Variants in ZNF443 observed in about 807,000 individuals in gnomAD.
ZNF443 encodes zinc finger protein 443, also known as Kruppel-type zinc finger (C2H2).
A neutral mutation model predicts 12.0 loss-of-function variants in ZNF443; 3 were observed. The ratio of observed to expected loss-of-function variants is 0.25; its 90% CI spans 0.11 to 0.64. The LOEUF (loss-of-function observed/expected upper bound fraction) is 0.64, where lower values mean the gene tolerates loss of function less well. ZNF443 is among the 30% of genes least tolerant of loss of function. ZNF443 has a pLI of 0.84. For synonymous variants in ZNF443, 225 were observed against 265.9 expected (o/e 0.85, Z 1.50); for missense variants, 770 against 808.8 (o/e 0.95, Z 0.58).
chr19:12,430,985 T>C lies in ZNF443; in HGVS notation c.1187A>G (p.Lys396Arg), dbSNP rs1391774984. Residue 396 changes from lysine (K) to arginine (R), a missense_variant, in exon 4 of 4, where the codon AAG becomes AGG. Physicochemically the swap from Lys to Arg is conservative, Grantham distance 26. This residue lies in a region of ZNF443 where 736 missense variants were observed against 689.4 expected (regional missense o/e 1.07). Coordinates refer to ENST00000301547, the MANE Select transcript of ZNF443 (RefSeq NM_005815.5). Reference protein sequence around the residue: ...THTGEKPYECKQCGKALSHRS... With the variant: ...THTGEKPYECRQCGKALSHRS... Reference sequence around the variant, plus strand: ...ATGAGATAATGCTTTCCCACACTGCTTGCATTCATAGGGTTTCTCTCCAGT... The same window carrying C: ...ATGAGATAATGCTTTCCCACACTGCCTGCATTCATAGGGTTTCTCTCCAGT... 1.2e-6 allele frequency: 2 copies of C among 1,613,778 alleles called. No homozygotes were observed. Among genetic ancestry groups the C allele is most frequent in the African/African-American group, 2.7e-5 (2 of 74,934 alleles).
Position 12,430,931 on chromosome 19 carries a change from A to G in ZNF443, c.1241T>C (p.Met414Thr), listed in dbSNP as rs777767204. 8.1e-6 allele frequency: 13 copies of G among 1,613,512 alleles called. No individual in the cohort carries two copies. Among genetic ancestry groups the G allele is most frequent in the South Asian group, 5.5e-5 (5 of 91,054 alleles). Reference sequence around the variant, plus strand: ...TTTATGAGGTCCATCTCCAGTGTGCATTATCATATGACTTCGAAAGCTTGA... The same window carrying G: ...TTTATGAGGTCCATCTCCAGTGTGCGTTATCATATGACTTCGAAAGCTTGA... The part of the protein sequence containing the change: ...HRSSFRSHMI[M>T]HTGDGPHKCK... The change falls in exon 4 of 4, where the codon ATG (methionine) becomes ACG (threonine). Residue 414 changes from methionine (M) to threonine (T), a missense_variant. By Grantham distance (81) the Met-to-Thr change is moderately conservative. Transcript: ENST00000301547.
In ZNF443 at chr19:12,430,909, A is replaced by C; in HGVS notation, c.1263T>G (p.His421Gln). 2 of 1,614,036 alleles carry C rather than the reference A, an allele frequency of 1.2e-6. No individual in the cohort carries two copies. Among genetic ancestry groups the C allele is most frequent in the Non-Finnish European group, 1.7e-6 (2 of 1,179,962 alleles). ...AGGCTTTCCCACATACCTTGCATTT[A>C]TGAGGTCCATCTCCAGTGTGCATTA... ...HMIMHTGDGPHKCKVCGKAFV... is the reference protein window; with the variant it reads ...HMIMHTGDGPQKCKVCGKAFV... The change falls in exon 4 of 4, where the codon CAT (histidine) becomes CAG (glutamine). Residue 421 changes from histidine to glutamine, a missense_variant. By Grantham distance (24) the His-to-Gln change is conservative. This residue lies in a region of ZNF443 where 736 missense variants were observed against 689.4 expected (regional missense o/e 1.07). Coordinates refer to ENST00000301547, the MANE Select transcript of ZNF443 (RefSeq NM_005815.5).
rs141837424 is a variant in ZNF443, at chr19:12,437,972, G to T, written c.3+2940C>A. ...AAAAATTAGCCAGGCATGGTAGCAC[G>T]CACCCGTAGTCCCAGCTACTCAGGA... On this transcript the variant is annotated intron_variant, in intron 1 of 3. Transcript: ENST00000301547. 9.2e-5 allele frequency among the ~76,000 whole-genome samples: 14 copies of T among 151,748 alleles called. No individual in the cohort carries two copies. The East Asian group carries it at 2.7e-3, about 29-fold the overall frequency.
At chr19:12,440,565 G>GGCTA in intron 1 of ZNF443, among the ~76,000 whole-genome samples, 1 of 152,142 alleles carries the variant, frequency 6.6e-6, no homozygotes, top group Non-Finnish European at 1.5e-5. Context: ...CTCTCCTCCT[G>GGCTA]TTAAACCGTT....
intron 1 of ZNF443, among the ~76,000 whole-genome samples, chr19:12,437,963 T>C (rs1312684274): frequency 2.0e-5 from 3 of 150,618 alleles, no homozygotes; most frequent in Non-Finnish European, 3.0e-5. Context: ...TAGCCAGGCA[T>C]GGTAGCACGC....
At position 12,431,679 on chromosome 19, in the gene ZNF443, C is replaced by T. The variant is rs748225249; in HGVS notation, c.493G>A (p.Gly165Arg). ...TCTTTACAATCATATGGTTTCTTTC[C>T]AGTGTGAAGCCTCTCATGTGTTTGA... Reference protein sequence around the residue: ...SFQTHERLHTGKKPYDCKECG... With the variant: ...SFQTHERLHTRKKPYDCKECG... The change falls in exon 4 of 4, where the codon GGA becomes AGA. Residue 165 changes from glycine to arginine, a missense_variant. Gly to Arg is a moderately radical substitution (Grantham distance 125). This residue lies in a region of ZNF443 where 736 missense variants were observed against 689.4 expected (regional missense o/e 1.07). Transcript: ENST00000301547. The T allele has an allele frequency of 5.0e-6, 8 of 1,614,032 alleles. No individual in the cohort carries two copies. The highest frequency in any genetic ancestry group is 6.8e-6 in the Non-Finnish European group (8 of 1,180,018).
intron 1 of ZNF443, among the ~76,000 whole-genome samples, chr19:12,439,287 G>A (rs1970342809): frequency 6.6e-6 from 1 of 152,132 alleles, no homozygotes. Flanking sequence ...TGTCTCCAAG[G>A]AATGGAAACT....
rs138781179 is a variant in ZNF443 at position 12,431,324 on chromosome 19, C to A, written c.848G>T (p.Cys283Phe). Residue 283 changes from cysteine (C) to phenylalanine (F), a missense_variant, in exon 4 of 4, where the codon TGT becomes TTT. This residue lies in a region of ZNF443 where 736 missense variants were observed against 689.4 expected (regional missense o/e 1.07). Transcript: ENST00000301547. The part of the protein sequence containing the change: ...RTHTGEKPYK[C>F]KQCSKAFPDS... The stretch of plus-strand genomic sequence containing the variant: ...AGGGAAGGCTTTAGAACACTGCTTA[C>A]ATTTATATGGTTTCTCCCCAGTATG... 2.7e-5 allele frequency: 43 copies of A among 1,614,012 alleles called. No individual in the cohort carries two copies. The highest frequency in any genetic ancestry group is 3.3e-5 in the Non-Finnish European group (39 of 1,179,986).
At chr19:12,440,593 C>T (rs1249927842) in intron 1 of ZNF443, among the ~76,000 whole-genome samples, 1 of 151,684 alleles carries the variant, frequency 6.6e-6, no homozygotes, top group Non-Finnish European at 1.5e-5. Context: ...CAGCCCTCGG[C>T]GTCTCGGTGC....
intron 1 of ZNF443, among the ~76,000 whole-genome samples, chr19:12,439,453 T>C (rs1466326259): frequency 6.6e-6 from 1 of 152,126 alleles, no homozygotes; most frequent in Non-Finnish European, 1.5e-5. Flanking sequence ...CAGGGGATGA[T>C]ATTCACTAGA....
At chr19:12,438,115 T>C (rs1413211741) in intron 1 of ZNF443, among the ~76,000 whole-genome samples, 1 of 148,196 alleles carries the variant, frequency 6.7e-6, no homozygotes, top group Non-Finnish European at 1.5e-5. Context: ...AAAAAAAAAA[T>C]TGGTCTTAGC....
chr19:12,439,276 G>A (rs1391149607), intron 1 of ZNF443, among the ~76,000 whole-genome samples: 1 of 152,090 alleles, frequency 6.6e-6, no homozygotes, highest in Non-Finnish European at 1.5e-5. Flanking sequence ...GTTCAGTCAT[G>A]TGTCTCCAAG....
intron 1 of ZNF443, among the ~76,000 whole-genome samples, chr19:12,434,766 T>C (rs1347588709): frequency 6.6e-6 from 1 of 150,576 alleles, no homozygotes; most frequent in African/African-American, 2.5e-5. Flanking sequence ...TCTCGTAGAG[T>C]TTTTATTTGT....
Position 12,431,456 on chromosome 19 carries a change from G to C in ZNF443, c.716C>G (p.Ser239Cys). Residue 239 changes from serine to cysteine, a missense_variant, in exon 4 of 4, where the codon TCC (serine) becomes TGC (cysteine). This residue lies in a region of ZNF443 where 736 missense variants were observed against 689.4 expected (regional missense o/e 1.07). Transcript: ENST00000301547. ...QCSKAFSFYS[S>C]YLRHERTHTG... Reference sequence around the variant, plus strand: ...ATGTGTTCTTTCATGTCTTAGATAGGAACTGTAAAAAGAAAAGGCTTTAGA... The same window carrying C: ...ATGTGTTCTTTCATGTCTTAGATAGCAACTGTAAAAAGAAAAGGCTTTAGA... The C allele has an allele frequency of 6.2e-7, 1 of 1,613,708 alleles. No individual in the cohort carries two copies. Among genetic ancestry groups the C allele is most frequent in the Non-Finnish European group, 8.5e-7 (1 of 1,179,904 alleles).
chr19:12,440,922 C>G lies in ZNF443; in HGVS notation c.-8G>C. 6.2e-7 allele frequency: 1 copy of G among 1,614,136 alleles called. No individual in the cohort carries two copies. The highest frequency in any genetic ancestry group is 8.5e-7 in the Non-Finnish European group (1 of 1,179,992). Reference sequence around the variant, plus strand: ...GCCCAGCACACGCACCATTTCCCGACTTCCGCGGTGTCCCAGGTCCTACCG... The same window carrying G: ...GCCCAGCACACGCACCATTTCCCGAGTTCCGCGGTGTCCCAGGTCCTACCG... On this transcript the variant is annotated 5_prime_UTR_variant, in exon 1 of 4. Coordinates refer to ENST00000301547, the MANE Select transcript of ZNF443 (RefSeq NM_005815.5).
intron 1 of ZNF443, among the ~76,000 whole-genome samples, chr19:12,437,416 A>AAAAG (rs1191153114): frequency 3.4e-5 from 5 of 146,746 alleles, no homozygotes; most frequent in Admixed American, 6.8e-5. Context: ...TCAAAAAAAA[A>AAAAG]AAAGAAACAA....
In ZNF443 at chr19:12,430,677, T is replaced by C. The variant is rs771331115; in HGVS notation, c.1495A>G (p.Thr499Ala). ...TTACACTCATATGGCTTCTCTCCAG[T>C]GTGAGTTGTTTTGTGATTTTGAAAG... is the stretch of plus-strand genomic sequence containing the variant. ...CSFQNHKTTH[T>A]GEKPYECKEC... The change falls in exon 4 of 4, where the codon ACT (threonine) becomes GCT (alanine). Residue 499 changes from threonine to alanine, a missense_variant. Thr to Ala is a moderately conservative substitution (Grantham distance 58, BLOSUM62 0). This residue lies in a region of ZNF443 where 736 missense variants were observed against 689.4 expected (regional missense o/e 1.07). Transcript: ENST00000301547. The C allele has an allele frequency of 1.1e-5, 18 of 1,614,054 alleles. No individual in the cohort carries two copies. Among genetic ancestry groups the C allele is most frequent in the East Asian group, 8.9e-5 (4 of 44,872 alleles).
chr19:12,431,582 T>C lies in ZNF443; in HGVS notation c.590A>G (p.Tyr197Cys). 1 of 1,614,184 alleles carries C rather than the reference T, an allele frequency of 6.2e-7. No individual in the cohort carries two copies. Among genetic ancestry groups the C allele is most frequent in the Non-Finnish European group, 8.5e-7 (1 of 1,180,012 alleles). Residue 197 changes from tyrosine to cysteine, a missense_variant, in exon 4 of 4, where the codon TAT (tyrosine) becomes TGT (cysteine). By Grantham distance (194) the Tyr-to-Cys change is radical (BLOSUM62 -2). Coordinates refer to ENST00000301547, the MANE Select transcript of ZNF443 (RefSeq NM_005815.5). ...HMAVQRGDGP[Y>C]KCKLCGKAFF... ...CGCTTTCCCACACAACTTACATTTATAAGGTCCATCTCCACGCTGCACTGC... is the reference window on the plus strand; with the variant it reads ...CGCTTTCCCACACAACTTACATTTACAAGGTCCATCTCCACGCTGCACTGC...
rs1327859865 is a variant in ZNF443 at position 12,430,866 on chromosome 19, A to G, written c.1306T>C (p.Phe436Leu). Residue 436 changes from phenylalanine (F) to leucine (L), a missense_variant, in exon 4 of 4, where the codon TTT becomes CTT. Transcript: ENST00000301547. ...CGKAFVYPSV[F>L]QRHERTHTAE... ...GTGTGAGTCCTTTCATGTCTTTGAA[A>G]TACACTGGGATAAACAAAGGCTTTC... is the stretch of plus-strand genomic sequence containing the variant. The G allele has an allele frequency of 6.2e-7, 1 of 1,613,932 alleles. No individual in the cohort carries two copies. Among genetic ancestry groups the G allele is most frequent in the South Asian group, 1.1e-5 (1 of 91,072 alleles).
Sources: gnomAD v4.1 joint callset for allele counts (sites outside exome capture counted in the v4.1 genomes callset) on GRCh38, gnomAD v4.1.1 for gene constraint, gnomAD v4.1.1 regional missense constraint, MANE v1.5 for transcripts, NCBI Gene and HGNC (gene_info 2026-07-23, HGNC 2026-07-21) for gene names.